Variants in PUM3 observed in about 807,000 individuals in gnomAD.
PUM3 encodes pumilio RNA binding family member 3.
A neutral mutation model predicts 84.0 loss-of-function variants in PUM3; 91 were observed. The ratio of observed to expected loss-of-function variants is 1.08; its 90% CI spans 0.91 to 1.29. The LOEUF (loss-of-function observed/expected upper bound fraction) is 1.29, where lower values mean the gene tolerates loss of function less well. Among genes scored for constraint, PUM3 ranks in the 50% most tolerant of loss-of-function variants. PUM3 has a pLI of 0.00. For synonymous variants in PUM3, 321 were observed against 266.7 expected, an observed-to-expected ratio of 1.20 and a Z score of -1.98; for missense variants, 1,067 against 767.5, an observed-to-expected ratio of 1.39 and a Z score of -4.61.
chr9:2,833,926 C>T, intron 4 of PUM3, 105 bp downstream of exon 4: 2 of 1,225,648 alleles, frequency 1.6e-6, no homozygotes, highest in Non-Finnish European at 2.3e-6. Context: ...CCTCAATAAC[C>T]CAAGTGCTAT....
intron 1 of PUM3, among the ~76,000 whole-genome samples, chr9:2,843,531 C>G (rs113541477): frequency 6.6e-6 from 1 of 151,192 alleles, no homozygotes; most frequent in African/African-American, 2.4e-5. Context: ...TAACCCGGCA[C>G]GCAGGGCAAC....
At chr9:2,825,942 G>A (rs1011874025) in intron 10 of PUM3, among the ~76,000 whole-genome samples, 24 of 152,090 alleles carry the variant, frequency 1.6e-4, no homozygotes, top group African/African-American at 5.6e-4. Flanking sequence ...CATCAATAAG[G>A]AACAAACAAT....
At chr9:2,807,140 A>G (rs2129780316) in intron 17 of PUM3, among the ~76,000 whole-genome samples, 1 of 152,118 alleles carries the variant, frequency 6.6e-6, no homozygotes, top group Non-Finnish European at 1.5e-5. Flanking sequence ...CCCAGGAGGC[A>G]GAGCTTGCAG....
At position 2,826,066 on chromosome 9, in the gene PUM3, T is replaced by C. The variant is rs77593260; in HGVS notation, c.1035+1007A>G. On this transcript the variant is annotated intron_variant, in intron 10 of 17. Transcript: ENST00000397885. ...AGCTATCCAGATGGAAAGCCATGCA[T>C]ATATTCCAATTATGCTTCCATTTTC... 9.9e-3 allele frequency among the ~76,000 whole-genome samples: 1,506 copies of C among 152,160 alleles called. 27 individuals are homozygous for C. Among genetic ancestry groups the C allele is most frequent in the African/African-American group, 0.035 (1,460 of 41,526 alleles).
At chr9:2,834,245 C>A (rs1816062566) in intron 3 of PUM3, 79 bp from the exon 4 acceptor site, 3 of 1,254,328 alleles carry the variant, frequency 2.4e-6, no homozygotes, top group Non-Finnish European at 3.3e-6. Flanking sequence ...GTAAAAAGGG[C>A]AATCACTAAT....
intron 7 of PUM3, 115 bp downstream of exon 7, chr9:2,830,847 G>C: frequency 1.6e-6 from 1 of 637,294 alleles, no homozygotes; most frequent in South Asian, 1.8e-5. Flanking sequence ...TCTGCTGAGA[G>C]CCATTACTAT....
intron 17 of PUM3, 65 bp downstream of exon 17, chr9:2,807,749 C>T (rs2129782214): frequency 4.0e-6 from 4 of 1,007,040 alleles, no homozygotes; most frequent in Non-Finnish European, 3.1e-6. Flanking sequence ...GAGAAATCAA[C>T]GTGAAGGAAG....
intron 14 of PUM3, 31 bp downstream of exon 14, chr9:2,812,189 A>G (rs975554724): frequency 5.6e-6 from 9 of 1,597,782 alleles, no homozygotes; most frequent in Non-Finnish European, 6.9e-6. Flanking sequence ...ACAGAGGAAT[A>G]AAGAAGTCAA....
chr9:2,833,502 C>T (rs916352823), intron 4 of PUM3, 70 bp from the exon 5 acceptor site: 1 of 830,370 alleles, frequency 1.2e-6, no homozygotes, highest in South Asian at 1.7e-5. Context: ...AAATTAAAAA[C>T]TGTACCAGTA....
At chr9:2,832,849 G>A (rs147973490) in intron 5 of PUM3, among the ~76,000 whole-genome samples, 2 of 152,112 alleles carry the variant, frequency 1.3e-5, no homozygotes, top group African/African-American at 2.4e-5. Flanking sequence ...AAATACACAA[G>A]AGTCACAGGA....
intron 1 of PUM3, among the ~76,000 whole-genome samples, chr9:2,842,995 C>T (rs530161280): frequency 1.3e-5 from 2 of 152,264 alleles, no homozygotes; most frequent in African/African-American, 2.4e-5. Flanking sequence ...TCTTAAATGT[C>T]CCTTACGTCA....
At chr9:2,842,320 T>G (rs1215682065) in intron 1 of PUM3, among the ~76,000 whole-genome samples, 3 of 152,178 alleles carry the variant, frequency 2.0e-5, no homozygotes, top group Non-Finnish European at 4.4e-5. Flanking sequence ...AACCTTCCAG[T>G]AGCACACCTA....
At chr9:2,832,671 G>T (rs896633527) in intron 5 of PUM3, among the ~76,000 whole-genome samples, 7 of 152,140 alleles carry the variant, frequency 4.6e-5, no homozygotes, top group Admixed American at 2.0e-4. Flanking sequence ...ATCGTAAAAA[G>T]ATCCTGCTGA....
At chr9:2,841,848 T>C (rs1178409014) in intron 1 of PUM3, among the ~76,000 whole-genome samples, 1 of 152,202 alleles carries the variant, frequency 6.6e-6, no homozygotes, top group Non-Finnish European at 1.5e-5. Flanking sequence ...GGCAGATTTA[T>C]TAAATGTGCA....
chr9:2,831,294 A>G lies in PUM3; in HGVS notation c.567T>C (p.Tyr189=), dbSNP rs563094261. The G allele has an allele frequency of 1.2e-6, 2 of 1,610,818 alleles. No individual in the cohort carries two copies. The highest frequency in any genetic ancestry group is 1.3e-5 in the African/African-American group (1 of 74,818). ...STRVIQCYIQ[Y]GNEEQRKQAF... ...CCTGTTTTCTCTGTTCTTCATTACC[A>G]TACTGAATGTAACACTGGATCACAC... Residue 189 remains tyrosine (Y), a synonymous_variant, in exon 6 of 18, where the codon TAT becomes TAC. Transcript: ENST00000397885.
intron 13 of PUM3, among the ~76,000 whole-genome samples, chr9:2,814,631 A>G (rs1821435305): frequency 6.6e-6 from 1 of 152,230 alleles, no homozygotes; most frequent in Non-Finnish European, 1.5e-5. Flanking sequence ...GAGAGGACAA[A>G]TGCTTTGTTA....
At chr9:2,842,696 T>C (rs916552700) in intron 1 of PUM3, among the ~76,000 whole-genome samples, 3 of 152,166 alleles carry the variant, frequency 2.0e-5, no homozygotes, top group Non-Finnish European at 4.4e-5. Flanking sequence ...CATGTCTCCA[T>C]TATGAACTTC....
chr9:2,814,430 C>G (rs913424518), intron 13 of PUM3, among the ~76,000 whole-genome samples: 5 of 152,066 alleles, frequency 3.3e-5, no homozygotes, highest in African/African-American at 1.2e-4. Context: ...AGGCTGGTCT[C>G]GAACTCCTAA....
rs756517769 is a variant in PUM3, at chr9:2,824,821, G to T, written c.1036-6C>A. The T allele has an allele frequency of 6.5e-6, 10 of 1,538,600 alleles. No individual in the cohort carries two copies. Among genetic ancestry groups the T allele is most frequent in the Admixed American group, 3.6e-5 (2 of 55,310 alleles). The stretch of plus-strand genomic sequence containing the variant: ...CGGATGGCTTCAATCATTTCCTAGG[G>T]AACAAATGCTGTCAGGAACAGGGCT... On this transcript the variant is annotated splice_region_variant and splice_polypyrimidine_tract_variant and intron_variant, in intron 10 of 17. Transcript: ENST00000397885.
Sources: allele counts gnomAD v4.1 joint callset (sites outside exome capture counted in the v4.1 genomes callset), GRCh38; gene constraint gnomAD v4.1.1; transcripts MANE v1.5; gene names NCBI Gene and HGNC (gene_info 2026-07-23, HGNC 2026-07-21).